GPR39: variants seen among roughly 807,000 people sequenced by gnomAD.
The protein encoded by GPR39 is zinc sensing receptor.
A neutral mutation model predicts 18.4 loss-of-function variants in GPR39; 23 were observed. The ratio of observed to expected loss-of-function variants is 1.25; its 90% confidence interval spans 0.90 to 1.77. GPR39 has a LOEUF of 1.77. GPR39 is among the 40% of genes most tolerant of loss of function. The probability of loss-of-function intolerance (pLI) is 0.00; values close to 1 mark genes in which losing one functional copy is unlikely to be tolerated. For synonymous variants in GPR39, 280 were observed against 257.9 expected (o/e 1.09, Z -0.82); for missense variants, 647 against 602.4 (o/e 1.07, Z -0.78).
At chr2:132,612,087 G>GC (rs1553460129) in intron 1 of GPR39, among the ~76,000 whole-genome samples, 1 of 152,098 alleles carries the variant, frequency 6.6e-6, no homozygotes, top group African/African-American at 2.4e-5. Context: ...GCCCTGAACT[G>GC]AGTTTTCTAA....
intron 1 of GPR39, among the ~76,000 whole-genome samples, chr2:132,626,079 G>A (rs1284382465): frequency 1.3e-5 from 2 of 149,084 alleles, no homozygotes; most frequent in African/African-American, 2.5e-5. Context: ...CAGCCTGGGC[G>A]ACAGAGCGAG....
At chr2:132,604,014 T>G (rs1479603365) in intron 1 of GPR39, among the ~76,000 whole-genome samples, 3 of 152,118 alleles carry the variant, frequency 2.0e-5, no homozygotes, top group Non-Finnish European at 4.4e-5. Context: ...CTGTGGAGGT[T>G]TGCATAAATA....
chr2:132,624,531 TACTC>T (rs1437567417), intron 1 of GPR39, among the ~76,000 whole-genome samples: 12 of 152,246 alleles, frequency 7.9e-5, no homozygotes, highest in African/African-American at 2.9e-4. Context: ...AGCTTGAACA[TACTC>T]ACATAACCAG....
intron 1 of GPR39, among the ~76,000 whole-genome samples, chr2:132,531,260 C>A (rs1679623727): frequency 6.6e-6 from 1 of 152,034 alleles, no homozygotes; most frequent in South Asian, 2.1e-4. Context: ...ACAAAGAAGG[C>A]CATTACATAA....
chr2:132,430,823 C>T (rs761435649), intron 1 of GPR39, among the ~76,000 whole-genome samples: 1 of 152,208 alleles, frequency 6.6e-6, no homozygotes, highest in African/African-American at 2.4e-5. Context: ...ACAGACACCC[C>T]CTGTGGGGAC....
chr2:132,438,573 C>CTTTTT (rs35614907), intron 1 of GPR39, among the ~76,000 whole-genome samples: 2 of 97,762 alleles, frequency 2.0e-5, no homozygotes, highest in Admixed American at 1.2e-4. Flanking sequence ...TGTCAGCAAG[C>CTTTTT]TTTTTTTTTT....
intron 1 of GPR39, among the ~76,000 whole-genome samples, chr2:132,579,686 G>T (rs1244880677): frequency 1.3e-5 from 2 of 151,880 alleles, no homozygotes; most frequent in African/African-American, 4.8e-5. Context: ...ACTAAAAATT[G>T]AGTTTTTATT....
intron 1 of GPR39, among the ~76,000 whole-genome samples, chr2:132,631,245 A>G (rs542306679): frequency 3.4e-4 from 52 of 152,348 alleles, no homozygotes; most frequent in Middle Eastern, 6.8e-3. Context: ...TACTACGTAC[A>G]ACAATGTGCA....
intron 1 of GPR39, among the ~76,000 whole-genome samples, chr2:132,530,524 G>C (rs1384696662): frequency 6.6e-6 from 1 of 152,042 alleles, no homozygotes; most frequent in Non-Finnish European, 1.5e-5. Context: ...GATACTCCTT[G>C]AGAAGACCAA....
intron 1 of GPR39, among the ~76,000 whole-genome samples, chr2:132,433,246 G>A (rs1680254214): frequency 6.6e-6 from 1 of 152,156 alleles, no homozygotes; most frequent in African/African-American, 2.4e-5. Flanking sequence ...GCCATTTGCA[G>A]TTGAGAAATA....
chr2:132,618,740 A>T (rs1193463828), intron 1 of GPR39, among the ~76,000 whole-genome samples: 1 of 152,126 alleles, frequency 6.6e-6, no homozygotes, highest in Non-Finnish European at 1.5e-5. Context: ...CATTCCACCC[A>T]ATCCTCCTCT....
chr2:132,618,051 T>C (rs987910436), intron 1 of GPR39, among the ~76,000 whole-genome samples: 8 of 152,168 alleles, frequency 5.3e-5, no homozygotes, highest in Non-Finnish European at 7.3e-5. Flanking sequence ...TCCCCCTAAA[T>C]ATGTCCCCTC....
intron 1 of GPR39, among the ~76,000 whole-genome samples, chr2:132,434,171 C>T (rs913349971): frequency 3.9e-5 from 6 of 152,042 alleles, no homozygotes; most frequent in South Asian, 2.1e-4. Context: ...CCATGAAGGA[C>T]GTTTATTAGT....
At chr2:132,597,313 G>C (rs1422913784) in intron 1 of GPR39, among the ~76,000 whole-genome samples, 1 of 152,214 alleles carries the variant, frequency 6.6e-6, no homozygotes, top group Non-Finnish European at 1.5e-5. Flanking sequence ...AGCAAGAACA[G>C]TGCTAGCTTC....
intron 1 of GPR39, among the ~76,000 whole-genome samples, chr2:132,469,788 C>A (rs540026933): frequency 9.8e-5 from 15 of 152,328 alleles, no homozygotes; most frequent in African/African-American, 3.4e-4. Context: ...TAGAGACTAC[C>A]TCACTTACAT....
rs1558792680 is a variant in GPR39 at position 132,417,615 on chromosome 2, C to CT, written c.573_574insT (p.Asn192Ter). 6.2e-7 allele frequency: 1 copy of CT among 1,614,144 alleles called. No homozygotes were observed. The highest frequency in any genetic ancestry group is 1.3e-5 in the African/African-American group (1 of 75,044). ...TGCCCAGCCACCGGGGTCTCACTTGCAACCGCTCCAGCACCCGCCACCACG... is the reference window on the plus strand; with the variant it reads ...TGCCCAGCCACCGGGGTCTCACTTGCTAACCGCTCCAGCACCCGCCACCACG... On this transcript the variant is annotated frameshift_variant, in exon 1 of 2. Coordinates refer to ENST00000329321, the MANE Select transcript of GPR39 (RefSeq NM_001508.3). LOFTEE classifies it high-confidence loss of function.
At chr2:132,533,507 T>C (rs1228451597) in intron 1 of GPR39, among the ~76,000 whole-genome samples, 1 of 146,432 alleles carries the variant, frequency 6.8e-6, no homozygotes, top group Non-Finnish European at 1.5e-5. Flanking sequence ...TTAAAGTTCA[T>C]ATGGAACCAA....
At chr2:132,465,291 C>T (rs920551293) in intron 1 of GPR39, among the ~76,000 whole-genome samples, 1 of 152,216 alleles carries the variant, frequency 6.6e-6, no homozygotes, top group Non-Finnish European at 1.5e-5. Flanking sequence ...AGAGGAGTTC[C>T]CCTTTTCCTT....
chr2:132,646,337 C>T lies in GPR39; in HGVS notation c.*731C>T. 8.3e-7 allele frequency: 1 copy of T among 1,210,938 alleles called. No individual in the cohort carries two copies. Among genetic ancestry groups the T allele is most frequent in the Non-Finnish European group, 1.1e-6 (1 of 908,784 alleles). The allele number at this position is 1,210,938 out of a possible 1,614,324, so 75.0% of individuals were successfully genotyped here. A position where few individuals can be genotyped will look rare whatever the true frequency, so the allele number is the denominator to read the frequency against. On this transcript the variant is annotated 3_prime_UTR_variant, in exon 2 of 2. Transcript: ENST00000329321. ...CGTGCACCGGCAAAAGAATAGCTGT[C>T]CCTCTCAGCCCAAATCCAAACGGAC...
Sources: allele counts gnomAD v4.1 joint callset (sites outside exome capture counted in the v4.1 genomes callset), GRCh38; gene constraint gnomAD v4.1.1; transcripts MANE v1.5; gene names NCBI Gene and HGNC (gene_info 2026-07-23, HGNC 2026-07-21).